The following SYNJ2 variants were observed in gnomAD, a reference collection of about 807,000 sequenced individuals.
SYNJ2 encodes synaptojanin 2.
Under a neutral mutation model 141.3 loss-of-function variants are expected in SYNJ2, and 116 were observed. That is an observed-to-expected ratio of 0.82 (90% CI 0.71 to 0.96). The LOEUF (loss-of-function observed/expected upper bound fraction) is 0.96. SYNJ2 is among the 40% of genes least tolerant of loss of function. The pLI is 0.00. For missense variants in SYNJ2, 1,873 were observed against 1,934.8 expected, an observed-to-expected ratio of 0.97 and a Z score of 0.60; for synonymous variants, 745 against 777.7, an observed-to-expected ratio of 0.96 and a Z score of 0.70.
rs1190325668 is a variant in SYNJ2, at chr6:158,096,003, T to C, written c.4130T>C (p.Val1377Ala). ...PSGHPPAAGT[V>A]FPQGDFLSTS... Reference sequence around the variant, plus strand: ...GGGCACCCACCTGCCGCGGGCACCGTCTTCCCACAAGGGGACTTTCTCAGC... The same window carrying C: ...GGGCACCCACCTGCCGCGGGCACCGCCTTCCCACAAGGGGACTTTCTCAGC... The change falls in exon 27 of 27, where the codon GTC becomes GCC. Residue 1377 changes from valine to alanine, a missense_variant. Transcript: ENST00000355585. The C allele has an allele frequency of 6.2e-7, 1 of 1,614,184 alleles. No homozygotes were observed. Among genetic ancestry groups the C allele is most frequent in the South Asian group, 1.1e-5 (1 of 91,078 alleles).
intron 1 of SYNJ2, among the ~76,000 whole-genome samples, chr6:158,004,972 C>A (rs959963998): frequency 4.6e-5 from 7 of 152,106 alleles, no homozygotes; most frequent in African/African-American, 7.2e-5. Context: ...CAGCCACTCG[C>A]TCCCATGCCA....
chr6:158,047,798 A>AAC (rs1780334034), intron 5 of SYNJ2, among the ~76,000 whole-genome samples: 3 of 150,000 alleles, frequency 2.0e-5, no homozygotes, highest in African/African-American at 7.4e-5. Context: ...AAAAAAAAAA[A>AAC]AAAAAAACAC....
chr6:158,047,799 A>AAAAAAAAC (rs1562355896), intron 5 of SYNJ2, among the ~76,000 whole-genome samples: 4 of 149,912 alleles, frequency 2.7e-5, no homozygotes, highest in African/African-American at 9.8e-5. Context: ...AAAAAAAAAA[A>AAAAAAAAC]AAAAAACACA....
At chr6:158,024,881 A>G (rs1347237555) in intron 2 of SYNJ2, among the ~76,000 whole-genome samples, 1 of 151,148 alleles carries the variant, frequency 6.6e-6, no homozygotes, top group Non-Finnish European at 1.5e-5. Flanking sequence ...TGGGATACTG[A>G]CAAGAGGCTC....
At chr6:158,094,951 C>T (rs561597085) in intron 26 of SYNJ2, among the ~76,000 whole-genome samples, 1 of 152,310 alleles carries the variant, frequency 6.6e-6, no homozygotes, top group East Asian at 1.9e-4. Flanking sequence ...AGTTCAAGAC[C>T]AGCCTGACCA....
rs577919047 is a variant in SYNJ2, at chr6:157,995,659, A to T, written c.127+13571A>T. Among the ~76,000 whole-genome samples, 9 of 152,362 alleles carry T rather than the reference A, an allele frequency of 5.9e-5. No homozygotes were observed. In the East Asian group the frequency reaches 1.7e-3, roughly 29 times the overall value. ...CGCCAGGAGACAGACGGACACATGCATGCACACACACACACAGCGGGGACG... is the reference window on the plus strand; with the variant it reads ...CGCCAGGAGACAGACGGACACATGCTTGCACACACACACACAGCGGGGACG... On this transcript the variant is annotated intron_variant, in intron 1 of 26. Coordinates refer to ENST00000355585, the MANE Select transcript of SYNJ2 (RefSeq NM_003898.4).
At chr6:158,069,402 TA>T in intron 13 of SYNJ2, 130 bp from the exon 14 acceptor site, 1 of 1,151,202 alleles carries the variant, frequency 8.7e-7, no homozygotes, top group Non-Finnish European at 1.2e-6. Context: ...AGCATGACAC[TA>T]ATATTGGGGT....
In SYNJ2 at chr6:158,019,014, G is replaced by A. The variant is rs148256274; in HGVS notation, c.214+1724G>A. On this transcript the variant is annotated intron_variant, in intron 2 of 26. Coordinates refer to ENST00000355585, the MANE Select transcript of SYNJ2 (RefSeq NM_003898.4). Reference sequence around the variant, plus strand: ...ACTCACTTAGGAACTTGTTAACACGGCTCCCGAGGCCACCTGTGCTGTTGT... The same window carrying A: ...ACTCACTTAGGAACTTGTTAACACGACTCCCGAGGCCACCTGTGCTGTTGT... Among the ~76,000 whole-genome samples, 22 of 152,350 alleles carry A rather than the reference G, an allele frequency of 1.4e-4. 1 individual carries two copies. In the East Asian group the frequency reaches 4.1e-3, roughly 28 times the overall value.
At position 158,068,737 on chromosome 6, in the gene SYNJ2, C is replaced by T. The variant is rs549515969; in HGVS notation, c.1799+9C>T. 3.1e-6 allele frequency: 5 copies of T among 1,613,874 alleles called. No homozygotes were observed. The South Asian group carries it at 5.5e-5, about 18-fold the overall frequency. On this transcript the variant is annotated intron_variant, in intron 13 of 26. Coordinates refer to ENST00000355585, the MANE Select transcript of SYNJ2 (RefSeq NM_003898.4). ...AATATTGTCAATGCCAGGTAAGGGG[C>T]CAGGTGTGCGGGGCCAGGCAGGGAC... is the stretch of plus-strand genomic sequence containing the variant.
intron 5 of SYNJ2, among the ~76,000 whole-genome samples, chr6:158,049,065 A>C (rs1201253958): frequency 2.0e-5 from 3 of 152,072 alleles, no homozygotes; most frequent in African/African-American, 4.8e-5. Context: ...GCTGTCTGCG[A>C]TCCTTGGGCC....
intron 1 of SYNJ2, among the ~76,000 whole-genome samples, chr6:157,994,304 G>A (rs550214366): frequency 2.0e-5 from 3 of 152,362 alleles, no homozygotes; most frequent in South Asian, 4.1e-4. Context: ...GGTGGAGCCA[G>A]CTGGGCAGAG....
In SYNJ2 at chr6:158,040,263, A is replaced by G. The variant is rs1208853263; in HGVS notation, c.712-3053A>G. 6.7e-6 allele frequency among the ~76,000 whole-genome samples: 1 copy of G among 149,384 alleles called. No individual in the cohort carries two copies. The highest frequency in any genetic ancestry group is 2.6e-5 in the African/African-American group (1 of 38,796). The stretch of plus-strand genomic sequence containing the variant: ...TGTCATGTGCATTGTGCATTTGTGT[A>G]TACATGTGTGTGGTGTGTGCCTTGT... On this transcript the variant is annotated intron_variant, in intron 4 of 26. Transcript: ENST00000355585. This position sits in a 1 kb window ranked among gnomAD's most constrained non-coding sequence, Gnocchi z 4.2.
intron 5 of SYNJ2, among the ~76,000 whole-genome samples, chr6:158,048,013 G>T (rs1405096630): frequency 6.6e-6 from 1 of 152,082 alleles, no homozygotes; most frequent in African/African-American, 2.4e-5. Context: ...ACAGCTTCCT[G>T]GTCAGTCTTA....
intron 1 of SYNJ2, among the ~76,000 whole-genome samples, chr6:157,992,468 T>C (rs1422683183): frequency 6.7e-6 from 1 of 149,354 alleles, no homozygotes. Context: ...CAGGCTATAG[T>C]GCAGTGGTGC....
At chr6:158,020,252 ACTCT>A (rs1778692465) in intron 2 of SYNJ2, among the ~76,000 whole-genome samples, 1 of 131,446 alleles carries the variant, frequency 7.6e-6, no homozygotes, top group African/African-American at 3.5e-5. Context: ...CACCTGCGTG[ACTCT>A]GACTGTGTGA....
chr6:158,057,436 C>T (rs565539353), intron 6 of SYNJ2, among the ~76,000 whole-genome samples: 64 of 152,302 alleles, frequency 4.2e-4, no homozygotes, highest in Middle Eastern at 3.4e-3. Context: ...AGAGGAACCA[C>T]GTCCCACACA....
chr6:158,002,378 G>A (rs1253944888), intron 1 of SYNJ2: 1 of 152,280 alleles, frequency 6.6e-6, no homozygotes, highest in Non-Finnish European at 1.5e-5. Context: ...ATGTGTTCAT[G>A]TTCATGTGGA....
At chr6:158,046,231 C>A (rs1166210880) in intron 5 of SYNJ2, among the ~76,000 whole-genome samples, 1 of 151,958 alleles carries the variant, frequency 6.6e-6, no homozygotes, top group Non-Finnish European at 1.5e-5. Flanking sequence ...CAGGCGTGAG[C>A]CATCGCGCCC....
At chr6:158,018,239 C>G (rs1041957706) in intron 2 of SYNJ2, among the ~76,000 whole-genome samples, 2 of 152,198 alleles carry the variant, frequency 1.3e-5, no homozygotes, top group Non-Finnish European at 2.9e-5. Context: ...CTCAGCTGTT[C>G]CTGGAGCTCA....
Sources: gnomAD v4.1 joint callset for allele counts (sites outside exome capture counted in the v4.1 genomes callset) on GRCh38, gnomAD v4.1.1 for gene constraint, Gnocchi (gnomAD v3.1) non-coding constraint, MANE v1.5 for transcripts, NCBI Gene and HGNC (gene_info 2026-07-23, HGNC 2026-07-21) for gene names.